ENPEP: variants seen among roughly 807,000 people sequenced by gnomAD.
The protein encoded by ENPEP is AP-A.
In ENPEP, 103 loss-of-function variants were observed where a neutral mutation model predicts 114.5. The ratio of observed to expected loss-of-function variants is 0.90; its 90% CI spans 0.77 to 1.06. The LOEUF is 1.06. Ranked by LOEUF, ENPEP falls within the 50% of genes least tolerant of loss-of-function variation. The pLI, the probability that ENPEP is intolerant of heterozygous loss-of-function variation, is 0.00. For missense variants in ENPEP, 1,196 were observed against 1,161.3 expected (o/e 1.03, Z -0.43); for synonymous variants, 420 against 422.0 (o/e 1.00, Z 0.06).
intron 11 of ENPEP, among the ~76,000 whole-genome samples, chr4:110,532,082 T>G (rs970225622): frequency 1.3e-5 from 2 of 152,164 alleles, no homozygotes; most frequent in African/African-American, 4.8e-5. Flanking sequence ...TCCTGGCCAA[T>G]AAATTTTTAC....
chr4:110,549,558 G>T lies in ENPEP; in HGVS notation c.2256G>T (p.Ala752=), dbSNP rs773981219. 1 of 1,613,564 alleles carries T rather than the reference G, an allele frequency of 6.2e-7. No individual in the cohort carries two copies. The highest frequency in any genetic ancestry group is 8.5e-7 in the Non-Finnish European group (1 of 1,179,646). Residue 752 remains alanine, a synonymous_variant, in exon 16 of 20, where the codon GCG becomes GCT. Transcript: ENST00000265162. The stretch of plus-strand genomic sequence containing the variant: ...TCCGTTCCTCCGTGTTAGGGTTTGC[G>T]TGCAAGATGGGAGACAGAGAAGCCT... ...KLLRSSVLGF[A]CKMGDREALN... is the part of the protein sequence containing the mutation.
intron 3 of ENPEP, among the ~76,000 whole-genome samples, chr4:110,501,466 A>AT (rs2110346300): frequency 1.3e-5 from 2 of 151,972 alleles, no homozygotes; most frequent in Non-Finnish European, 2.9e-5. Flanking sequence ...CTTGATGTCT[A>AT]TTGCTTCCTT....
In ENPEP at chr4:110,488,559, T is replaced by C; in HGVS notation, c.663T>C (p.Asp221=). The C allele has an allele frequency of 6.2e-7, 1 of 1,612,904 alleles. No individual in the cohort carries two copies. The highest frequency in any genetic ancestry group is 8.5e-7 in the Non-Finnish European group (1 of 1,179,574). ...NGQVKSIVAT[D]HEPTDARKSF... ...TTCTAAGGAGCATAGTGGCCACCGATCATGAACCAACAGATGCCAGGAAAT... is the reference window on the plus strand; with the variant it reads ...TTCTAAGGAGCATAGTGGCCACCGACCATGAACCAACAGATGCCAGGAAAT... The change falls in exon 2 of 20, where the codon GAT becomes GAC. Residue 221 remains aspartate (D), a synonymous_variant. Transcript: ENST00000265162.
chr4:110,549,728 T>C lies in ENPEP; in HGVS notation c.2343T>C (p.Asn781=). ...WLNGTVSLPV[N]LRLLVYRYGM... ...TTTCTTCTTCTAGCCTTCCCGTAAA[T>C]CTCAGGCTTCTGGTGTATCGGTATG... The change falls in exon 17 of 20, where the codon AAT becomes AAC. Residue 781 remains asparagine, a synonymous_variant. Coordinates refer to ENST00000265162, the MANE Select transcript of ENPEP (RefSeq NM_001977.4). 6.2e-7 allele frequency: 1 copy of C among 1,612,908 alleles called. No individual in the cohort carries two copies. Among genetic ancestry groups the C allele is most frequent in the Non-Finnish European group, 8.5e-7 (1 of 1,179,422 alleles).
At position 110,476,689 on chromosome 4, in the gene ENPEP, G is replaced by C; in HGVS notation, c.275G>C (p.Arg92Pro). ...EDESGQWKNF[R>P]LPDFVNPVHY... ...GAGAGCGGACAGTGGAAAAACTTTCGACTGCCGGACTTCGTCAACCCAGTC... is the reference window on the plus strand; with the variant it reads ...GAGAGCGGACAGTGGAAAAACTTTCCACTGCCGGACTTCGTCAACCCAGTC... The change falls in exon 1 of 20, where the codon CGA becomes CCA. Residue 92 changes from arginine to proline, a missense_variant. Physicochemically the swap from Arg to Pro is moderately radical, Grantham distance 103. Transcript: ENST00000265162. 6.2e-7 allele frequency: 1 copy of C among 1,613,778 alleles called. No homozygotes were observed. The highest frequency in any genetic ancestry group is 8.5e-7 in the Non-Finnish European group (1 of 1,180,040).
intron 14 of ENPEP, 22 bp downstream of exon 14, chr4:110,548,348 C>G: frequency 6.6e-7 from 1 of 1,510,002 alleles, no homozygotes; most frequent in South Asian, 1.4e-5. Flanking sequence ...GCTATGGTAT[C>G]TTATGAAAGT....
chr4:110,484,059 A>G (rs1724410870), intron 1 of ENPEP, among the ~76,000 whole-genome samples: 1 of 152,230 alleles, frequency 6.6e-6, no homozygotes, highest in Admixed American at 6.5e-5. Flanking sequence ...TTGTTCCAGT[A>G]TATATTGCAG....
At chr4:110,529,195 C>T (rs539924793) in intron 10 of ENPEP, among the ~76,000 whole-genome samples, 15 of 152,204 alleles carry the variant, frequency 9.9e-5, no homozygotes, top group African/African-American at 1.4e-4. Context: ...GTCATCCAGA[C>T]GCTGCCTGCT....
chr4:110,509,766 C>A lies in ENPEP; in HGVS notation c.1153C>A (p.Gln385Lys), dbSNP rs1241555666. ...TAAGGAATCAGCCTCATCAAACCAA[C>A]AGAGGGTGGCCACTGTGGTTGCCCA... is the stretch of plus-strand genomic sequence containing the variant. ...DPKESASSNQ[Q>K]RVATVVAHEL... Residue 385 changes from glutamine (Q) to lysine (K), a missense_variant, in exon 5 of 20, where the codon CAG (glutamine) becomes AAG (lysine). By Grantham distance (53) the Gln-to-Lys change is moderately conservative. Coordinates refer to ENST00000265162, the MANE Select transcript of ENPEP (RefSeq NM_001977.4). The A allele has an allele frequency of 3.1e-6, 5 of 1,614,180 alleles. No individual in the cohort carries two copies. Among genetic ancestry groups the A allele is most frequent in the Non-Finnish European group, 2.5e-6 (3 of 1,180,030 alleles).
chr4:110,537,834 T>C (rs1472947183), intron 11 of ENPEP, among the ~76,000 whole-genome samples: 1 of 152,232 alleles, frequency 6.6e-6, no homozygotes, highest in African/African-American at 2.4e-5. Context: ...TGTTAGCAGC[T>C]GTGAAAACAT....
Position 110,549,706 on chromosome 4 carries a change from C to A in ENPEP, c.2331-10C>A. 6.2e-7 allele frequency: 1 copy of A among 1,612,742 alleles called. No individual in the cohort carries two copies. Among genetic ancestry groups the A allele is most frequent in the Non-Finnish European group, 8.5e-7 (1 of 1,179,304 alleles). Reference sequence around the variant, plus strand: ...AGTTGAAATCTCTGAAACACTGTTTCTTCTTCTAGCCTTCCCGTAAATCTC... The same window carrying A: ...AGTTGAAATCTCTGAAACACTGTTTATTCTTCTAGCCTTCCCGTAAATCTC... On this transcript the variant is annotated splice_polypyrimidine_tract_variant and intron_variant, in intron 16 of 19. Transcript: ENST00000265162.
rs1057025657 is a variant in ENPEP at position 110,476,606 on chromosome 4, G to A, written c.192G>A (p.Thr64=). 1.9e-6 allele frequency: 3 copies of A among 1,614,116 alleles called. No homozygotes were observed. Among genetic ancestry groups the A allele is most frequent in the South Asian group, 1.1e-5 (1 of 91,084 alleles). Residue 64 remains threonine (T), a synonymous_variant, in exon 1 of 20, where the codon ACG becomes ACA. Coordinates refer to ENST00000265162, the MANE Select transcript of ENPEP (RefSeq NM_001977.4). The part of the protein sequence containing the change: ...APAPSHLPSS[T]ASPSGPPAQD... The stretch of plus-strand genomic sequence containing the variant: ...CTCCTTCCCACCTGCCTTCTTCCAC[G>A]GCCAGCCCCTCAGGTCCTCCTGCCC...
intron 10 of ENPEP, among the ~76,000 whole-genome samples, chr4:110,523,422 A>T (rs759268955): frequency 3.9e-5 from 6 of 152,142 alleles, no homozygotes; most frequent in Non-Finnish European, 8.8e-5. Flanking sequence ...CTTTATTAAA[A>T]AATAACAAAA....
intron 13 of ENPEP, among the ~76,000 whole-genome samples, chr4:110,544,039 C>T (rs2110388457): frequency 6.6e-6 from 1 of 152,052 alleles, no homozygotes; most frequent in African/African-American, 2.4e-5. Flanking sequence ...TATAGTAGTA[C>T]TAAAGGCATG....
At chr4:110,478,108 C>T (rs1724182051) in intron 1 of ENPEP, among the ~76,000 whole-genome samples, 1 of 152,158 alleles carries the variant, frequency 6.6e-6, no homozygotes, top group African/African-American at 2.4e-5. Context: ...TGGGCCAGTC[C>T]ACCCACAAAT....
At chr4:110,500,442 T>C (rs1378590786) in intron 3 of ENPEP, among the ~76,000 whole-genome samples, 1 of 152,190 alleles carries the variant, frequency 6.6e-6, no homozygotes, top group Non-Finnish European at 1.5e-5. Context: ...CCAACAGTAG[T>C]ATACCAGGTA....
intron 3 of ENPEP, among the ~76,000 whole-genome samples, chr4:110,495,578 G>A (rs1157266821): frequency 2.0e-5 from 3 of 152,024 alleles, no homozygotes; most frequent in East Asian, 3.9e-4. Flanking sequence ...AAAATCAGCC[G>A]GGCGTGATGG....
At chr4:110,484,063 A>G (rs1373561315) in intron 1 of ENPEP, among the ~76,000 whole-genome samples, 3 of 152,188 alleles carry the variant, frequency 2.0e-5, no homozygotes, top group Non-Finnish European at 4.4e-5. Context: ...TCCAGTATAT[A>G]TTGCAGTCAA....
At chr4:110,481,089 A>G (rs1724296414) in intron 1 of ENPEP, among the ~76,000 whole-genome samples, 1 of 152,174 alleles carries the variant, frequency 6.6e-6, no homozygotes, top group Non-Finnish European at 1.5e-5. Flanking sequence ...CTTACTTAGC[A>G]CTTCCCAAAG....
Sources: allele counts gnomAD v4.1 joint callset (sites outside exome capture counted in the v4.1 genomes callset), GRCh38; gene constraint gnomAD v4.1.1; transcripts MANE v1.5; gene names NCBI Gene and HGNC (gene_info 2026-07-23, HGNC 2026-07-21).